The following TG variants were observed in gnomAD, a reference collection of about 807,000 sequenced individuals.
The protein encoded by TG is thyroid hormones.
A neutral mutation model predicts 324.7 loss-of-function variants in TG; 270 were observed. The observed-to-expected ratio is 0.83, with a 90% CI of 0.75 to 0.92. TG has a LOEUF of 0.92. Among genes scored for constraint, TG ranks in the 40% least tolerant of loss-of-function variants. The pLI is 0.00. For synonymous variants in TG, 1,401 were observed against 1,327.0 expected, an observed-to-expected ratio of 1.06 and a Z score of -1.21; for missense variants, 3,591 against 3,456.4, an observed-to-expected ratio of 1.04 and a Z score of -0.98.
At chr8:133,127,029 G>GC (rs1227377123) in intron 45 of TG, among the ~76,000 whole-genome samples, 1 of 152,130 alleles carries the variant, frequency 6.6e-6, no homozygotes, top group Non-Finnish European at 1.5e-5. Flanking sequence ...ATTCAGATGG[G>GC]CCGGAATGCC....
chr8:133,054,163 C>T (rs1390991161), intron 41 of TG, among the ~76,000 whole-genome samples: 2 of 152,084 alleles, frequency 1.3e-5, no homozygotes, highest in African/African-American at 2.4e-5. Flanking sequence ...TTATCATCTA[C>T]TCCTAGAACT....
In TG at chr8:132,963,066, C is replaced by A. The variant is rs1827996908; in HGVS notation, c.5540C>A (p.Thr1847Lys). ...KDTVPRPASP[T>K]EAGLTTELFS... ...ACAGTGCCAAGGCCAGCATCTCCAA[C>A]AGAAGCAGGTACTGACCCCCAAACC... The change falls in exon 29 of 48, where the codon ACA (threonine) becomes AAA (lysine). Residue 1847 changes from threonine to lysine, a missense_variant. Coordinates refer to ENST00000220616, the MANE Select transcript of TG (RefSeq NM_003235.5). 1.2e-6 allele frequency: 2 copies of A among 1,614,026 alleles called. No individual in the cohort carries two copies. Among genetic ancestry groups the A allele is most frequent in the Non-Finnish European group, 1.7e-6 (2 of 1,179,902 alleles).
At chr8:133,026,514 G>A (rs1188265701) in intron 40 of TG, among the ~76,000 whole-genome samples, 1 of 152,222 alleles carries the variant, frequency 6.6e-6, no homozygotes, top group Non-Finnish European at 1.5e-5. Flanking sequence ...CTGGCACCAA[G>A]TTGTTGTTCC....
At chr8:132,883,752 AG>A (rs1465586195) in intron 8 of TG, among the ~76,000 whole-genome samples, 1 of 152,162 alleles carries the variant, frequency 6.6e-6, no homozygotes, top group East Asian at 1.9e-4. Flanking sequence ...AGTAGTCCGG[AG>A]GCAACGGGGC....
At chr8:133,067,607 C>G (rs1843210079) in intron 41 of TG, among the ~76,000 whole-genome samples, 1 of 152,072 alleles carries the variant, frequency 6.6e-6, no homozygotes, top group South Asian at 2.1e-4. Context: ...GAAACCCTAT[C>G]TCTACTAAAA....
intron 41 of TG, among the ~76,000 whole-genome samples, chr8:133,053,824 T>C (rs1840867301): frequency 6.6e-6 from 1 of 152,196 alleles, no homozygotes. Context: ...AAGTTTCCTG[T>C]GGAATTTCCG....
Position 133,106,128 on chromosome 8 carries a change from G to GT in TG, c.7573-7293dup, listed in dbSNP as rs1253097967. 5.3e-5 allele frequency among the ~76,000 whole-genome samples: 8 copies of GT among 152,314 alleles called. No individual in the cohort carries two copies. The East Asian group carries it at 1.4e-3, about 26-fold the overall frequency. ...GCACACTGAAGGTCTGAAAGAGCCA[G>GT]TGGGGGGGTTTGCCCAGCGAGGGGC... On this transcript the variant is annotated intron_variant, in intron 43 of 47. Transcript: ENST00000220616.
chr8:133,105,713 C>T (rs1244757310), intron 43 of TG, among the ~76,000 whole-genome samples: 1 of 152,104 alleles, frequency 6.6e-6, no homozygotes, highest in Non-Finnish European at 1.5e-5. Context: ...GGCCCCACCC[C>T]ACAAGCATTC....
intron 43 of TG, among the ~76,000 whole-genome samples, chr8:133,104,089 G>A (rs1849577474): frequency 6.6e-6 from 1 of 152,162 alleles, no homozygotes; most frequent in East Asian, 1.9e-4. Context: ...GGGGATTGAG[G>A]TACAGAGTGG....
At chr8:133,081,606 T>C (rs926377660) in intron 41 of TG, among the ~76,000 whole-genome samples, 1 of 152,122 alleles carries the variant, frequency 6.6e-6, no homozygotes, top group Non-Finnish European at 1.5e-5. Flanking sequence ...AAGTAGCCGC[T>C]TTATGTCCAC....
chr8:132,978,545 G>A (rs1418897299), intron 34 of TG, among the ~76,000 whole-genome samples: 7 of 152,158 alleles, frequency 4.6e-5, no homozygotes, highest in Non-Finnish European at 4.4e-5. Context: ...ACCGTGATGT[G>A]GCTTGTATTA....
intron 10 of TG, among the ~76,000 whole-genome samples, chr8:132,890,527 TTCAA>T (rs1816084002): frequency 6.6e-6 from 1 of 152,168 alleles, no homozygotes; most frequent in African/African-American, 2.4e-5. Flanking sequence ...CCCAGGGGAA[TTCAA>T]TGCAGCCAAA....
intron 25 of TG, among the ~76,000 whole-genome samples, chr8:132,938,683 G>A (rs1344474659): frequency 6.6e-6 from 1 of 152,130 alleles, no homozygotes; most frequent in African/African-American, 2.4e-5. Context: ...GGTAAAGACG[G>A]GTATGAGCTG....
At chr8:133,040,389 C>A in intron 41 of TG, 1 of 437,858 alleles carries the variant, frequency 2.3e-6, no homozygotes, top group Non-Finnish European at 4.1e-6. Flanking sequence ...CCAGTATCAA[C>A]CAAGCTTGGG....
At chr8:132,902,627 G>A (rs1004636500) in intron 16 of TG, among the ~76,000 whole-genome samples, 1 of 152,184 alleles carries the variant, frequency 6.6e-6, no homozygotes, top group Non-Finnish European at 1.5e-5. Context: ...TAGGTGCTCC[G>A]TGGATATGTA....
chr8:133,133,648 A>G lies in TG; in HGVS notation c.8176A>G (p.Lys2726Glu). 2 of 1,613,956 alleles carry G rather than the reference A, an allele frequency of 1.2e-6. No homozygotes were observed. The highest frequency in any genetic ancestry group is 2.2e-5 in the South Asian group (2 of 91,048). The change falls in exon 47 of 48, where the codon AAG becomes GAG. Residue 2726 changes from lysine to glutamate, a missense_variant. Physicochemically the swap from Lys to Glu is moderately conservative, Grantham distance 56. Coordinates refer to ENST00000220616, the MANE Select transcript of TG (RefSeq NM_003235.5). ...SFWSKYISSL[K>E]TSADGAKGGQ... ...CTGGTCCAAGTACATCTCGTCTCTG[A>G]AGACATCTGCAGGTAGCAAAGCCCT...
intron 19 of TG, among the ~76,000 whole-genome samples, 169 bp downstream of exon 19, chr8:132,911,702 A>T (rs537984016): frequency 1.3e-5 from 2 of 152,186 alleles, no homozygotes; most frequent in Non-Finnish European, 2.9e-5. Context: ...CTTCTTGCCA[A>T]TCGTTTACTA....
chr8:133,133,731 G>C, intron 47 of TG, 71 bp downstream of exon 47: 5 of 1,539,752 alleles, frequency 3.2e-6, no homozygotes, highest in Non-Finnish European at 2.7e-6. Context: ...CGCTGCATGA[G>C]ACCTGTGCTG....
chr8:132,903,291 G>C (rs1818188296), intron 16 of TG, among the ~76,000 whole-genome samples: 1 of 152,210 alleles, frequency 6.6e-6, no homozygotes, highest in Non-Finnish European at 1.5e-5. Flanking sequence ...TGGGTTTGAC[G>C]GTTGGGTAGA....
Sources: allele counts gnomAD v4.1 joint callset (sites outside exome capture counted in the v4.1 genomes callset), GRCh38; gene constraint gnomAD v4.1.1; transcripts MANE v1.5; gene names NCBI Gene and HGNC (gene_info 2026-07-23, HGNC 2026-07-21).